KDM4C: variants seen among roughly 807,000 people sequenced by gnomAD.
The protein encoded by KDM4C is lysine demethylase 4C, also known as lysine-specific demethylase 4C.
Under a neutral mutation model 129.3 loss-of-function variants are expected in KDM4C, and 81 were observed. The ratio of observed to expected loss-of-function variants is 0.63; its 90% CI spans 0.52 to 0.75. The LOEUF (loss-of-function observed/expected upper bound fraction) is 0.75, where lower values mean the gene tolerates loss of function less well. Among genes scored for constraint, KDM4C ranks in the 30% least tolerant of loss-of-function variants. The probability of loss-of-function intolerance (pLI) is 0.00; values close to 1 mark genes in which losing one functional copy is unlikely to be tolerated. For missense variants in KDM4C, 1,457 were observed against 1,304.0 expected (o/e 1.12, Z -1.81); for synonymous variants, 573 against 456.1 (o/e 1.26, Z -3.26).
intron 1 of KDM4C, among the ~76,000 whole-genome samples, chr9:6,740,403 C>T (rs554855881): frequency 2.0e-5 from 3 of 152,080 alleles, no homozygotes; most frequent in Admixed American, 6.6e-5. Context: ...TGGGGTTTCA[C>T]CGTGTTAGCC....
At chr9:6,939,976 A>ACTTTCCTTCCTTCCTTCCTTCCTT (rs1825578062) in intron 8 of KDM4C, among the ~76,000 whole-genome samples, 1 of 93,480 alleles carries the variant, frequency 1.1e-5, no homozygotes, top group Non-Finnish European at 2.2e-5. Flanking sequence ...CTACCTACCT[A>ACTTTCCTTCCTTCCTTCCTTCCTT]CCTTCCTTCC....
chr9:6,764,544 A>G (rs1273562520), intron 1 of KDM4C, among the ~76,000 whole-genome samples: 4 of 152,216 alleles, frequency 2.6e-5, no homozygotes, highest in Non-Finnish European at 5.9e-5. Context: ...AGTGAACACA[A>G]TAGACTGGAT....
At chr9:6,743,353 C>G (rs573724304) in intron 1 of KDM4C, among the ~76,000 whole-genome samples, 1 of 152,112 alleles carries the variant, frequency 6.6e-6, no homozygotes, top group Non-Finnish European at 1.5e-5. Context: ...ATTCAGGGCA[C>G]ACGGGAGGTA....
chr9:7,144,247 A>G (rs112552106), intron 19 of KDM4C, among the ~76,000 whole-genome samples: 5 of 152,220 alleles, frequency 3.3e-5, no homozygotes, highest in African/African-American at 1.2e-4. Flanking sequence ...GAGAGAGATT[A>G]CAGGCATGAG....
At position 7,123,739 on chromosome 9, in the gene KDM4C, AGAG is replaced by A. The variant is rs368889946; in HGVS notation, c.2611-4323_2611-4321del. Among the ~76,000 whole-genome samples the A allele has an allele frequency of 1.5e-3, 234 of 152,302 alleles. 2 individuals carry two copies. The highest frequency in any genetic ancestry group is 2.9e-3 in the Non-Finnish European group (200 of 68,036). ...AAGGCTTTGGGAGCCCTGGGGATGG[AGAG>A]GAGACCACATTATGCCTTCCTTCCT... On this transcript the variant is annotated intron_variant, in intron 18 of 21. Transcript: ENST00000381309.
chr9:7,057,570 GAC>G (rs959169700), intron 17 of KDM4C, among the ~76,000 whole-genome samples: 4 of 152,236 alleles, frequency 2.6e-5, no homozygotes, highest in Admixed American at 2.6e-4. Context: ...TTAACAGTCT[GAC>G]ACAGAGTTTG....
chr9:7,132,095 C>T (rs1840705520), intron 19 of KDM4C, among the ~76,000 whole-genome samples: 1 of 152,152 alleles, frequency 6.6e-6, no homozygotes, highest in Non-Finnish European at 1.5e-5. Flanking sequence ...ACTAGAACTG[C>T]TTTAAGGGTA....
intron 1 of KDM4C, among the ~76,000 whole-genome samples, chr9:6,745,163 T>C (rs1817834450): frequency 6.6e-6 from 1 of 152,188 alleles, no homozygotes; most frequent in Non-Finnish European, 1.5e-5. Context: ...ATCTCAGGAT[T>C]GAGAGTCAAG....
In KDM4C at chr9:7,011,834, G is replaced by A. The variant is rs757282803; in HGVS notation, c.1923G>A (p.Met641Ile). ...EQEYNATVAR[M>I]KPHCAICTLL... ...AGTATAATGCAACAGTGGCCAGGAT[G>A]AAGCCACACTGTGCCATCTGCACTC... Residue 641 changes from methionine to isoleucine, a missense_variant, in exon 13 of 22, where the codon ATG becomes ATA. Met to Ile is a conservative substitution (Grantham distance 10). Transcript: ENST00000381309. The A allele has an allele frequency of 1.6e-5, 26 of 1,614,062 alleles. No homozygotes were observed. Among genetic ancestry groups the A allele is most frequent in the Non-Finnish European group, 1.9e-5 (22 of 1,179,980 alleles).
intron 12 of KDM4C, among the ~76,000 whole-genome samples, chr9:7,010,016 C>G (rs1010850377): frequency 2.0e-5 from 3 of 152,032 alleles, no homozygotes; most frequent in Non-Finnish European, 4.4e-5. Context: ...AAACATAAAT[C>G]TATTATAAAA....
rs540805551 is a variant in KDM4C, at chr9:6,967,057, G to T, written c.922-13868G>T. On this transcript the variant is annotated intron_variant, in intron 8 of 21. Coordinates refer to ENST00000381309, the MANE Select transcript of KDM4C (RefSeq NM_015061.6). ...CGTGTCTGATAAGGACTGGTAGTTG[G>T]GACATACAAAGAACCTGAAAAACTC... is the stretch of plus-strand genomic sequence containing the variant. Among the ~76,000 whole-genome samples, 39 of 152,202 alleles carry T rather than the reference G, an allele frequency of 2.6e-4. No individual in the cohort carries two copies. The South Asian group carries it at 8.1e-3, about 32-fold the overall frequency.
intron 8 of KDM4C, among the ~76,000 whole-genome samples, chr9:6,965,185 G>C (rs2131635857): frequency 6.6e-6 from 1 of 151,916 alleles, no homozygotes; most frequent in Non-Finnish European, 1.5e-5. Context: ...AGAGAAACGT[G>C]GCTCTGGCTG....
intron 19 of KDM4C, among the ~76,000 whole-genome samples, chr9:7,164,419 G>C (rs765689288): frequency 6.6e-6 from 1 of 151,870 alleles, no homozygotes; most frequent in Non-Finnish European, 1.5e-5. Flanking sequence ...GCCTTGGGAG[G>C]TGGCAATATG....
chr9:6,776,180 GC>G lies in KDM4C; in HGVS notation c.-17-16791del, dbSNP rs1822994498. Among the ~76,000 whole-genome samples the G allele has an allele frequency of 2.0e-5, 3 of 152,280 alleles. No individual in the cohort carries two copies. The South Asian group carries it at 6.2e-4, about 32-fold the overall frequency. On this transcript the variant is annotated intron_variant, in intron 1 of 21. Coordinates refer to ENST00000381309, the MANE Select transcript of KDM4C (RefSeq NM_015061.6). ...GCTCACTGAAGCCTTGAACTCCTGGGCTCTGGGTATTCTCCTGCCTCAGCCT... is the reference window on the plus strand; with the variant it reads ...GCTCACTGAAGCCTTGAACTCCTGGGTCTGGGTATTCTCCTGCCTCAGCCT...
At chr9:7,055,887 GGTT>G (rs1830801153) in intron 17 of KDM4C, among the ~76,000 whole-genome samples, 1 of 152,176 alleles carries the variant, frequency 6.6e-6, no homozygotes, top group Non-Finnish European at 1.5e-5. Context: ...AAAGAATCAA[GGTT>G]GTATTTGACA....
intron 1 of KDM4C, among the ~76,000 whole-genome samples, chr9:6,767,140 T>C (rs1358986876): frequency 3.9e-5 from 6 of 152,118 alleles, no homozygotes; most frequent in Non-Finnish European, 8.8e-5. Context: ...TTTTTTGCTT[T>C]TTTTTTATTC....
chr9:6,884,036 C>T (rs550078740), intron 6 of KDM4C, among the ~76,000 whole-genome samples: 9 of 152,246 alleles, frequency 5.9e-5, no homozygotes, highest in South Asian at 4.1e-4. Flanking sequence ...TTACACAACG[C>T]GCACCATGTC....
At chr9:6,775,209 G>A (rs1466997655) in intron 1 of KDM4C, among the ~76,000 whole-genome samples, 1 of 152,032 alleles carries the variant, frequency 6.6e-6, no homozygotes, top group African/African-American at 2.4e-5. Context: ...TAGAGATGGG[G>A]TTTCACCATG....
chr9:7,062,777 T>C (rs1831890236), intron 17 of KDM4C, among the ~76,000 whole-genome samples: 1 of 152,212 alleles, frequency 6.6e-6, no homozygotes, highest in South Asian at 2.1e-4. Flanking sequence ...GATTTGTGTG[T>C]TTAGTTTTGC....
Sources: gnomAD v4.1 joint callset for allele counts (sites outside exome capture counted in the v4.1 genomes callset) on GRCh38, gnomAD v4.1.1 for gene constraint, MANE v1.5 for transcripts, NCBI Gene and HGNC (gene_info 2026-07-23, HGNC 2026-07-21) for gene names.